KIF26B: variants seen among roughly 807,000 people sequenced by gnomAD.
The protein encoded by KIF26B is kinesin family member 26B, also known as kinesin-like protein KIF26B.
Under a neutral mutation model 151.2 loss-of-function variants are expected in KIF26B, and 63 were observed. That is an observed-to-expected ratio of 0.42 (90% CI 0.34 to 0.51). The LOEUF is 0.51. Ranked by LOEUF, KIF26B falls within the 20% of genes least tolerant of loss-of-function variation. The pLI is 0.07. For missense variants in KIF26B, 2,813 were observed against 2,913.6 expected (o/e 0.97, Z 0.79); for synonymous variants, 1,357 against 1,262.1 (o/e 1.08, Z -1.59).
At chr1:245,590,309 C>A (rs1324187165) in intron 5 of KIF26B, among the ~76,000 whole-genome samples, 1 of 152,102 alleles carries the variant, frequency 6.6e-6, no homozygotes. Context: ...GGCGGCTGGG[C>A]CCCGCGGGAG....
intron 10 of KIF26B, among the ~76,000 whole-genome samples, chr1:245,670,442 A>G (rs2147940541): frequency 6.6e-6 from 1 of 151,900 alleles, no homozygotes; most frequent in African/African-American, 2.4e-5. Flanking sequence ...ATATATTGTG[A>G]AATTATTAAC....
At chr1:245,283,288 C>T (rs1262906205) in intron 2 of KIF26B, among the ~76,000 whole-genome samples, 4 of 152,006 alleles carry the variant, frequency 2.6e-5, no homozygotes, top group Admixed American at 6.5e-5. Flanking sequence ...GCCCACCCAC[C>T]GCGAGCCCAA....
chr1:245,304,874 A>G (rs1003013263), intron 2 of KIF26B, among the ~76,000 whole-genome samples: 6 of 143,316 alleles, frequency 4.2e-5, no homozygotes, highest in Non-Finnish European at 7.5e-5. Flanking sequence ...ACCCATCTTT[A>G]AAAAAAAAAA....
At chr1:245,683,510 C>G (rs1572200757) in intron 10 of KIF26B, among the ~76,000 whole-genome samples, 1 of 152,302 alleles carries the variant, frequency 6.6e-6, no homozygotes, top group East Asian at 1.9e-4. Flanking sequence ...CTGCAAACCC[C>G]AGGGCCTCAT....
chr1:245,189,758 T>G (rs1669064471), intron 2 of KIF26B, among the ~76,000 whole-genome samples: 1 of 152,260 alleles, frequency 6.6e-6, no homozygotes, highest in South Asian at 2.1e-4. Flanking sequence ...CATATTAGTC[T>G]GTTTTCACTT....
rs970993104 is a variant in KIF26B, at chr1:245,606,420, C to T, written c.1558-1231C>T. ...CTCCCGGAGCTCCCACGAGCCCTGA[C>T]TCCGGCCCCGAGACAGAAATGAAAG... On this transcript the variant is annotated intron_variant, in intron 6 of 14. Coordinates refer to ENST00000407071, the MANE Select transcript of KIF26B (RefSeq NM_018012.4). This position sits in a 1 kb window ranked among gnomAD's most constrained non-coding sequence, Gnocchi z 4.6. Among the ~76,000 whole-genome samples, 2 of 151,556 alleles carry T rather than the reference C, an allele frequency of 1.3e-5. No homozygotes were observed. The highest frequency in any genetic ancestry group is 2.9e-5 in the Non-Finnish European group (2 of 67,968).
At chr1:245,452,729 G>A (rs1167111796) in intron 4 of KIF26B, among the ~76,000 whole-genome samples, 1 of 151,820 alleles carries the variant, frequency 6.6e-6, no homozygotes, top group Non-Finnish European at 1.5e-5. Flanking sequence ...TGTGTTTACT[G>A]GTCATTTGAA....
chr1:245,688,177 A>G lies in KIF26B; in HGVS notation c.5194A>G (p.Ile1732Val), dbSNP rs1469749255. Residue 1732 changes from isoleucine (I) to valine (V), a missense_variant, in exon 12 of 15, where the codon ATC (isoleucine) becomes GTC (valine). Ile to Val is a conservative substitution (Grantham distance 29). This residue lies in a region of KIF26B where 2,060 missense variants were observed against 2,088.6 expected (regional missense o/e 0.99). Transcript: ENST00000407071. The part of the protein sequence containing the change: ...GASPKAGQSK[I>V]SAVSRLLLAS... ...CTCGCCCAAGGCCGGCCAGTCCAAG[A>G]TCTCCGCCGTGAGCAGACTCCTCCT... 1 of 1,597,404 alleles carries G rather than the reference A, an allele frequency of 6.3e-7. No homozygotes were observed. The highest frequency in any genetic ancestry group is 8.5e-7 in the Non-Finnish European group (1 of 1,178,588).
chr1:245,174,150 A>G (rs1366076686), intron 2 of KIF26B, among the ~76,000 whole-genome samples: 2 of 152,252 alleles, frequency 1.3e-5, no homozygotes, highest in Non-Finnish European at 2.9e-5. Flanking sequence ...AATATGCTCA[A>G]TGGCAGCATA....
At chr1:245,231,300 A>T (rs1376653756) in intron 2 of KIF26B, among the ~76,000 whole-genome samples, 1 of 152,146 alleles carries the variant, frequency 6.6e-6, no homozygotes, top group African/African-American at 2.4e-5. Flanking sequence ...AGATCACCTG[A>T]GGTCAGGAGT....
At chr1:245,176,452 C>T (rs1395394190) in intron 2 of KIF26B, among the ~76,000 whole-genome samples, 1 of 152,160 alleles carries the variant, frequency 6.6e-6, no homozygotes, top group Non-Finnish European at 1.5e-5. Context: ...CAGGGTCTAT[C>T]ATGGGATTTA....
At chr1:245,420,034 T>A (rs1658440856) in intron 4 of KIF26B, among the ~76,000 whole-genome samples, 1 of 152,128 alleles carries the variant, frequency 6.6e-6, no homozygotes, top group East Asian at 1.9e-4. Context: ...TCTGCAGACA[T>A]TGTGAGAGGC....
chr1:245,450,100 A>G (rs1396624573), intron 4 of KIF26B, among the ~76,000 whole-genome samples: 1 of 152,086 alleles, frequency 6.6e-6, no homozygotes, highest in Non-Finnish European at 1.5e-5. Flanking sequence ...TCTGGGTGGA[A>G]TGTGGTACCC....
intron 10 of KIF26B, among the ~76,000 whole-genome samples, chr1:245,650,429 G>C (rs1337310969): frequency 6.6e-6 from 1 of 152,272 alleles, no homozygotes; most frequent in Non-Finnish European, 1.5e-5. Flanking sequence ...ACAAGGATCT[G>C]TCAGGGTGAA....
At chr1:245,360,169 G>C (rs562681044) in intron 2 of KIF26B, among the ~76,000 whole-genome samples, 4 of 152,044 alleles carry the variant, frequency 2.6e-5, no homozygotes, top group Non-Finnish European at 5.9e-5. Context: ...CACTGCACCC[G>C]GGCTGATTTA....
chr1:245,383,982 C>T (rs1673478126), intron 3 of KIF26B, among the ~76,000 whole-genome samples: 1 of 152,202 alleles, frequency 6.6e-6, no homozygotes, highest in Non-Finnish European at 1.5e-5. Flanking sequence ...GTGCAGACAG[C>T]AAAGAGAGTA....
At chr1:245,491,645 C>G (rs757873901) in intron 4 of KIF26B, among the ~76,000 whole-genome samples, 1 of 152,190 alleles carries the variant, frequency 6.6e-6, no homozygotes, top group African/African-American at 2.4e-5. Flanking sequence ...CAGTGTCTCA[C>G]GCCTATCATC....
chr1:245,395,526 A>G (rs1173829), intron 3 of KIF26B, among the ~76,000 whole-genome samples: 99,360 of 152,106 alleles, frequency 0.65, 32,463 homozygotes, highest in South Asian at 0.71. Flanking sequence ...TCTAGACCTG[A>G]AGGTATGCTG....
chr1:245,479,575 A>C lies in KIF26B; in HGVS notation c.1166+59830A>C, dbSNP rs1287009139. ...ATGGTTGTTTGGTTGAGACATTTGCAAATAGTAAGCAGTCACCTTACCTAA... is the reference window on the plus strand; with the variant it reads ...ATGGTTGTTTGGTTGAGACATTTGCCAATAGTAAGCAGTCACCTTACCTAA... On this transcript the variant is annotated intron_variant, in intron 4 of 14. Coordinates refer to ENST00000407071, the MANE Select transcript of KIF26B (RefSeq NM_018012.4). Among the ~76,000 whole-genome samples, 3 of 151,882 alleles carry C rather than the reference A, an allele frequency of 2.0e-5. No individual in the cohort carries two copies. The East Asian group carries it at 5.8e-4, about 29-fold the overall frequency.
Sources: allele counts gnomAD v4.1 joint callset (sites outside exome capture counted in the v4.1 genomes callset), GRCh38; gene constraint gnomAD v4.1.1; regional missense constraint gnomAD v4.1.1; non-coding constraint Gnocchi (gnomAD v3.1); transcripts MANE v1.5; gene names NCBI Gene and HGNC (gene_info 2026-07-23, HGNC 2026-07-21).